The following RAC1 variants were observed in gnomAD, a reference collection of about 807,000 sequenced individuals.
The protein encoded by RAC1 is Rac family small GTPase 1.
In RAC1, 2 loss-of-function variants were observed where a neutral mutation model predicts 25.2. The observed-to-expected ratio is 0.08, with a 90% confidence interval of 0.03 to 0.25. The LOEUF (loss-of-function observed/expected upper bound fraction) is 0.25. RAC1 is among the 10% of genes least tolerant of loss of function. The probability of loss-of-function intolerance (pLI) is 1.00; values close to 1 mark genes in which losing one functional copy is unlikely to be tolerated. For synonymous variants in RAC1, 88 were observed against 94.0 expected, an observed-to-expected ratio of 0.94 and a Z score of 0.37; for missense variants, 50 against 235.7, an observed-to-expected ratio of 0.21 and a Z score of 5.16.
intron 1 of RAC1, among the ~76,000 whole-genome samples, chr7:6,376,783 T>TG (rs1198160167): frequency 2.0e-5 from 2 of 101,952 alleles, no homozygotes; most frequent in African/African-American, 5.8e-5. Context: ...CGGCCTGTTT[T>TG]TTTTTTTTTT....
intron 1 of RAC1, 150 bp downstream of exon 1, chr7:6,374,920 C>G: frequency 1.7e-6 from 1 of 579,848 alleles, no homozygotes; most frequent in East Asian, 1.2e-4. Flanking sequence ...GGGCCGCGGG[C>G]GGGCGCCCCC....
intron 3 of RAC1, chr7:6,398,865 TAA>T: frequency 1.3e-6 from 1 of 760,602 alleles, no homozygotes; most frequent in Non-Finnish European, 2.1e-6. Flanking sequence ...CTTGATGAAA[TAA>T]ACTTCATTAG....
At chr7:6,386,094 T>C (rs767803151) in intron 1 of RAC1, among the ~76,000 whole-genome samples, 11 of 152,230 alleles carry the variant, frequency 7.2e-5, no homozygotes, top group African/African-American at 1.4e-4. Flanking sequence ...ACTGGTAATA[T>C]TAGGATTAGT....
chr7:6,402,295 G>T (rs760199189), intron 5 of RAC1, 21 bp from the exon 6 acceptor site: 2 of 1,591,186 alleles, frequency 1.3e-6, no homozygotes, highest in Non-Finnish European at 1.7e-6. Flanking sequence ...GTACATTGCC[G>T]TGTGGTCGTG....
intron 2 of RAC1, among the ~76,000 whole-genome samples, chr7:6,390,755 G>A (rs913662496): frequency 6.6e-6 from 1 of 151,740 alleles, no homozygotes; most frequent in Admixed American, 6.6e-5. Flanking sequence ...ATTCATTTAG[G>A]ACTTATTTTT....
At position 6,402,753 on chromosome 7, in the gene RAC1, G is replaced by C. The variant is rs961505468; in HGVS notation, c.*307G>C. The C allele has an allele frequency of 3.1e-5, 8 of 257,208 alleles. No individual in the cohort carries two copies. The highest frequency in any genetic ancestry group is 1.3e-4 in the African/African-American group (6 of 45,232). 15.9% of individuals were successfully genotyped at this position (257,208 alleles called of 1,614,324 possible). ...CCCCCCATTCTTGTTCAGATTAAGA[G>C]TTGCCAAAATACCTTCTGAACTACA... On this transcript the variant is annotated 3_prime_UTR_variant, in exon 6 of 6. Transcript: ENST00000348035.
chr7:6,401,602 C>CA, intron 4 of RAC1: 1 of 273,126 alleles, frequency 3.7e-6, no homozygotes, highest in Non-Finnish European at 6.9e-6. Context: ...TTCCCTTCCC[C>CA]CCTTCCCCTG....
In RAC1 at chr7:6,402,072, G is replaced by T. The variant is rs895045332; in HGVS notation, c.448+45G>T. The T allele has an allele frequency of 3.8e-6, 6 of 1,586,138 alleles. No individual in the cohort carries two copies. In the African/African-American group the frequency reaches 8.1e-5, roughly 21 times the overall value. ...TCCTCCTCCTTGTACCTCTTTTATT[G>T]TAGTGACAGAGACTGGAGTCCAGTC... On this transcript the variant is annotated intron_variant, in intron 5 of 5. Transcript: ENST00000348035.
intron 1 of RAC1, chr7:6,375,870 T>G (rs1782577648): frequency 6.6e-6 from 1 of 152,002 alleles, no homozygotes; most frequent in South Asian, 2.1e-4. Flanking sequence ...AACAAGAATC[T>G]CAGTGTAACC....
At chr7:6,396,697 T>C (rs1477992833) in intron 3 of RAC1, among the ~76,000 whole-genome samples, 1 of 152,168 alleles carries the variant, frequency 6.6e-6, no homozygotes, top group Non-Finnish European at 1.5e-5. Flanking sequence ...GAAACCCAGA[T>C]AGCTGTGGAA....
intron 4 of RAC1, chr7:6,401,640 G>A (rs779058969): frequency 4.5e-5 from 16 of 357,228 alleles, no homozygotes; most frequent in African/African-American, 2.7e-4. Context: ...CTGTCCGGTC[G>A]TGGTTCTGTC....
At chr7:6,396,344 C>T (rs770500631) in intron 3 of RAC1, among the ~76,000 whole-genome samples, 7 of 152,038 alleles carry the variant, frequency 4.6e-5, no homozygotes, top group Admixed American at 2.6e-4. Context: ...GTCAGGACAG[C>T]GACGGCCGGG....
intron 1 of RAC1, among the ~76,000 whole-genome samples, chr7:6,382,840 T>C (rs183982083): frequency 8.9e-4 from 136 of 152,348 alleles, no homozygotes; most frequent in Middle Eastern, 3.4e-3. Flanking sequence ...ACCATTGGGC[T>C]CCAGCCTGGA....
intron 1 of RAC1, among the ~76,000 whole-genome samples, chr7:6,383,867 A>G (rs887793043): frequency 1.6e-5 from 2 of 127,982 alleles, no homozygotes; most frequent in African/African-American, 6.1e-5. Flanking sequence ...CAATGGCGCA[A>G]TCTCGGCTCA....
At position 6,402,533 on chromosome 7, in the gene RAC1, A is replaced by AAC. The variant is rs1783444061; in HGVS notation, c.*88_*89insCA. ...AAAACAAAAAAAAAAAACAAAAAAA[A>AAC]AAAACAACGGTGGAGCCTTCGCACT... On this transcript the variant is annotated 3_prime_UTR_variant, in exon 6 of 6. Coordinates refer to ENST00000348035, the MANE Select transcript of RAC1 (RefSeq NM_006908.5). 8.4e-7 allele frequency: 1 copy of AAC among 1,190,212 alleles called. No homozygotes were observed. The highest frequency in any genetic ancestry group is 1.7e-5 in the African/African-American group (1 of 59,538). 73.7% of individuals were successfully genotyped at this position (1,190,212 alleles called of 1,614,324 possible).
chr7:6,383,755 T>G (rs900564107), intron 1 of RAC1, among the ~76,000 whole-genome samples: 3 of 148,342 alleles, frequency 2.0e-5, no homozygotes, highest in African/African-American at 7.4e-5. Flanking sequence ...GAGTGGCAAC[T>G]ATTGTTAAGG....
chr7:6,379,353 C>T (rs976600287), intron 1 of RAC1, among the ~76,000 whole-genome samples: 1 of 148,974 alleles, frequency 6.7e-6, no homozygotes, highest in African/African-American at 2.5e-5. Context: ...CGGCTCACTG[C>T]AACCTCCTCC....
At chr7:6,380,386 G>A (rs1782731734) in intron 1 of RAC1, among the ~76,000 whole-genome samples, 1 of 152,094 alleles carries the variant, frequency 6.6e-6, no homozygotes, top group Non-Finnish European at 1.5e-5. Context: ...TAATGTGTGT[G>A]TGTGTGTGTG....
chr7:6,388,165 C>T (rs183467967), intron 2 of RAC1, among the ~76,000 whole-genome samples: 14 of 151,934 alleles, frequency 9.2e-5, no homozygotes, highest in Admixed American at 4.6e-4. Flanking sequence ...ATGGGTTACC[C>T]GGGAGCGCAC....
Sources: allele counts gnomAD v4.1 joint callset (sites outside exome capture counted in the v4.1 genomes callset), GRCh38; gene constraint gnomAD v4.1.1; transcripts MANE v1.5; gene names NCBI Gene and HGNC (gene_info 2026-07-23, HGNC 2026-07-21).